The following PRKN variants were observed in gnomAD, a reference collection of about 807,000 sequenced individuals.
The protein encoded by PRKN is E3 ubiquitin-protein ligase parkin.
In PRKN, 56 loss-of-function variants were observed where a neutral mutation model predicts 59.5. That is an observed-to-expected ratio of 0.94 (90% CI 0.76 to 1.18). PRKN has a LOEUF of 1.18. Ranked by LOEUF, PRKN falls within the 50% of genes most tolerant of loss-of-function variation. The pLI, the probability that PRKN is intolerant of heterozygous loss-of-function variation, is 0.00. For synonymous variants in PRKN, 250 were observed against 222.1 expected (o/e 1.13, Z -1.12); for missense variants, 657 against 596.4 (o/e 1.10, Z -1.06).
At position 162,054,182 on chromosome 6, in the gene PRKN, A is replaced by G; in HGVS notation, c.535-8T>C. The G allele has an allele frequency of 6.4e-7, 1 of 1,555,330 alleles. No individual in the cohort carries two copies. The highest frequency in any genetic ancestry group is 8.9e-7 in the Non-Finnish European group (1 of 1,126,602). On this transcript the variant is annotated splice_region_variant and splice_polypyrimidine_tract_variant and intron_variant, in intron 4 of 11. Transcript: ENST00000366898. ...ATCCCAGCAAGATGGACCCTTTGGG[A>G]AAAAACAACAATATATGCTTATATG...
intron 7 of PRKN, among the ~76,000 whole-genome samples, chr6:161,585,162 A>G (rs1295295407): frequency 6.6e-6 from 1 of 152,222 alleles, no homozygotes; most frequent in East Asian, 1.9e-4. Context: ...TGAGTTAAGC[A>G]CTAACATTCT....
intron 7 of PRKN, among the ~76,000 whole-genome samples, chr6:161,611,861 G>A (rs934192036): frequency 6.6e-6 from 1 of 152,190 alleles, no homozygotes; most frequent in Admixed American, 6.5e-5. Context: ...GCTGTGAACT[G>A]GGAATGCAAA....
intron 1 of PRKN, among the ~76,000 whole-genome samples, chr6:162,545,988 C>T (rs1779101447): frequency 6.6e-6 from 1 of 151,792 alleles, no homozygotes; most frequent in Admixed American, 6.6e-5. Flanking sequence ...TTCATTCTAT[C>T]AGTATATCTT....
At chr6:161,776,726 C>CCA (rs1289742011) in intron 7 of PRKN, among the ~76,000 whole-genome samples, 1 of 152,134 alleles carries the variant, frequency 6.6e-6, no homozygotes, top group East Asian at 1.9e-4. Context: ...GGGTTGAAGA[C>CCA]CACAGCCTAG....
intron 4 of PRKN, among the ~76,000 whole-genome samples, chr6:162,166,686 A>G (rs1290206908): frequency 6.6e-6 from 1 of 152,238 alleles, no homozygotes; most frequent in East Asian, 1.9e-4. Flanking sequence ...GGATAGATAG[A>G]TATTTAGCCA....
chr6:161,874,816 G>GTATAATATATAAAATATA (rs1189923358), intron 6 of PRKN, among the ~76,000 whole-genome samples: 61,371 of 93,216 alleles, frequency 0.66, 19,716 homozygotes, highest in Non-Finnish European at 0.7. Flanking sequence ...TATATAAAAT[G>GTATAATATATAAAATATA]TATAATATAT....
At chr6:162,636,304 A>T (rs2128223538) in intron 1 of PRKN, among the ~76,000 whole-genome samples, 1 of 152,310 alleles carries the variant, frequency 6.6e-6, no homozygotes. Flanking sequence ...GCCCAACATG[A>T]AATAAATAGC....
At chr6:162,450,347 C>T (rs547429667) in intron 1 of PRKN, among the ~76,000 whole-genome samples, 4 of 97,974 alleles carry the variant, frequency 4.1e-5, no homozygotes, top group East Asian at 2.2e-4. Flanking sequence ...GATTGTAATC[C>T]CCCTGTGAAT....
chr6:161,658,441 T>C (rs992779690), intron 7 of PRKN, among the ~76,000 whole-genome samples: 2 of 152,128 alleles, frequency 1.3e-5, no homozygotes, highest in Non-Finnish European at 2.9e-5. Context: ...AAACTAGAAA[T>C]CATCTTTGAA....
intron 4 of PRKN, among the ~76,000 whole-genome samples, chr6:162,197,507 G>T (rs1465974661): frequency 6.6e-6 from 1 of 152,072 alleles, no homozygotes; most frequent in African/African-American, 2.4e-5. Flanking sequence ...AAGGGAAGTA[G>T]TTAGAAAATA....
intron 1 of PRKN, among the ~76,000 whole-genome samples, chr6:162,638,100 C>T (rs1300167050): frequency 6.6e-6 from 1 of 152,106 alleles, no homozygotes; most frequent in Non-Finnish European, 1.5e-5. Flanking sequence ...TGTGAAGTTC[C>T]TTTTCAGCAT....
intron 1 of PRKN, among the ~76,000 whole-genome samples, chr6:162,656,317 C>G: frequency 6.6e-6 from 1 of 152,170 alleles, no homozygotes; most frequent in East Asian, 1.9e-4. Context: ...GCTTTAAGAT[C>G]CTTCTCAATC....
chr6:162,530,881 A>C (rs1224776710), intron 1 of PRKN, among the ~76,000 whole-genome samples: 1 of 150,382 alleles, frequency 6.6e-6, no homozygotes, highest in Non-Finnish European at 1.5e-5. Context: ...ACATGGTGAA[A>C]CCCTGTCTCT....
intron 1 of PRKN, among the ~76,000 whole-genome samples, chr6:162,543,497 C>T (rs545195696): frequency 6.6e-6 from 1 of 152,156 alleles, no homozygotes; most frequent in East Asian, 1.9e-4. Context: ...AATCCTAAAC[C>T]CAGGTAGCCT....
At chr6:162,648,523 A>T (rs1164308213) in intron 1 of PRKN, among the ~76,000 whole-genome samples, 1 of 152,040 alleles carries the variant, frequency 6.6e-6, no homozygotes, top group African/African-American at 2.4e-5. Context: ...CTGGGATTAC[A>T]AGCATGTGCC....
At chr6:162,575,193 C>T (rs373118592) in intron 1 of PRKN, among the ~76,000 whole-genome samples, 1 of 152,186 alleles carries the variant, frequency 6.6e-6, no homozygotes, top group Non-Finnish European at 1.5e-5. Context: ...GGATCTGCAT[C>T]TATCTTCATC....
At chr6:162,150,186 G>A (rs904252843) in intron 4 of PRKN, among the ~76,000 whole-genome samples, 1 of 152,164 alleles carries the variant, frequency 6.6e-6, no homozygotes, top group Non-Finnish European at 1.5e-5. Flanking sequence ...AGAAACAGAT[G>A]GATATTTTAA....
intron 2 of PRKN, among the ~76,000 whole-genome samples, chr6:162,269,089 G>A (rs1331172038): frequency 6.6e-6 from 1 of 152,104 alleles, no homozygotes; most frequent in Non-Finnish European, 1.5e-5. Flanking sequence ...GATGGTATAG[G>A]TGAGCTGGTA....
intron 4 of PRKN, among the ~76,000 whole-genome samples, chr6:162,153,210 T>C (rs1489971784): frequency 1.3e-5 from 2 of 152,226 alleles, no homozygotes; most frequent in Non-Finnish European, 2.9e-5. Flanking sequence ...TGCAAGTGAG[T>C]GCAGGAACAA....
Sources: allele counts gnomAD v4.1 joint callset (sites outside exome capture counted in the v4.1 genomes callset), GRCh38; gene constraint gnomAD v4.1.1; transcripts MANE v1.5; gene names NCBI Gene and HGNC (gene_info 2026-07-23, HGNC 2026-07-21).